Variants in SLC22A23 observed in about 807,000 individuals in gnomAD.
SLC22A23 encodes ion transporter protein.
A neutral mutation model predicts 61.0 loss-of-function variants in SLC22A23; 26 were observed. The observed-to-expected ratio is 0.43, with a 90% CI of 0.31 to 0.59. SLC22A23 has a LOEUF of 0.59. Among genes scored for constraint, SLC22A23 ranks in the 20% least tolerant of loss-of-function variants. SLC22A23 has a pLI of 0.11. For missense variants in SLC22A23, 796 were observed against 934.7 expected, an observed-to-expected ratio of 0.85 and a Z score of 1.94; for synonymous variants, 430 against 413.9, an observed-to-expected ratio of 1.04 and a Z score of -0.47.
rs77775504 is a variant in SLC22A23 at position 3,365,936 on chromosome 6, C to T, written c.914-41934G>A. 7.4e-3 allele frequency among the ~76,000 whole-genome samples: 1,129 copies of T among 152,300 alleles called. 16 individuals carry two copies. The highest frequency in any genetic ancestry group is 0.02 in the African/African-American group (846 of 41,560). The stretch of plus-strand genomic sequence containing the variant: ...TGTTCTTCACTTAATTTCTCTCTGG[C>T]TCCTTTAATTTGCCACAGTGATGAT... On this transcript the variant is annotated intron_variant, in intron 3 of 9. Transcript: ENST00000406686.
intron 6 of SLC22A23, 101 bp from the exon 7 acceptor site, chr6:3,287,192 A>G: frequency 1.9e-6 from 2 of 1,075,202 alleles, no homozygotes; most frequent in Non-Finnish European, 2.7e-6. Context: ...GAGATGAAGA[A>G]GCAACTCAAT....
intron 3 of SLC22A23, among the ~76,000 whole-genome samples, chr6:3,407,078 C>T (rs1319614384): frequency 6.6e-6 from 1 of 152,178 alleles, no homozygotes; most frequent in Non-Finnish European, 1.5e-5. Context: ...CAGGCCTTTC[C>T]AGCAGATGCA....
intron 2 of SLC22A23, among the ~76,000 whole-genome samples, chr6:3,412,970 G>T (rs1378627087): frequency 2.6e-5 from 4 of 152,198 alleles, no homozygotes; most frequent in Non-Finnish European, 5.9e-5. Context: ...AGACCAGTGA[G>T]ACCTTTGTTG....
At chr6:3,300,011 T>TC (rs1442608637) in intron 4 of SLC22A23, among the ~76,000 whole-genome samples, 16 of 131,932 alleles carry the variant, frequency 1.2e-4, no homozygotes, top group Admixed American at 1.1e-3. Flanking sequence ...TTTTTTTTTT[T>TC]TTTTTTTTTT....
chr6:3,296,280 C>T (rs967047361), intron 5 of SLC22A23, among the ~76,000 whole-genome samples: 1 of 152,164 alleles, frequency 6.6e-6, no homozygotes, highest in African/African-American at 2.4e-5. Context: ...TTGTATCTAT[C>T]CAGAGCTCTC....
At chr6:3,313,848 T>C (rs972482454) in intron 4 of SLC22A23, among the ~76,000 whole-genome samples, 1 of 152,188 alleles carries the variant, frequency 6.6e-6, no homozygotes, top group African/African-American at 2.4e-5. Flanking sequence ...GGAGAAACCC[T>C]GTCTCTGCTG....
At chr6:3,371,613 T>A (rs1766222792) in intron 3 of SLC22A23, among the ~76,000 whole-genome samples, 1 of 152,182 alleles carries the variant, frequency 6.6e-6, no homozygotes, top group Non-Finnish European at 1.5e-5. Context: ...AACCTCAGTT[T>A]TCTCATTTGT....
chr6:3,355,821 G>A (rs1044706355), intron 3 of SLC22A23, among the ~76,000 whole-genome samples: 4 of 151,034 alleles, frequency 2.6e-5, no homozygotes, highest in Non-Finnish European at 5.9e-5. Flanking sequence ...AGCCGGCGTC[G>A]CTCTCACTCA....
chr6:3,294,288 C>T (rs548489143), intron 5 of SLC22A23, among the ~76,000 whole-genome samples: 1 of 148,774 alleles, frequency 6.7e-6, no homozygotes, highest in South Asian at 2.1e-4. Context: ...ATTCGACATT[C>T]TACATTGAGT....
intron 4 of SLC22A23, among the ~76,000 whole-genome samples, chr6:3,303,728 T>C (rs1352956725): frequency 6.6e-6 from 1 of 151,996 alleles, no homozygotes; most frequent in Non-Finnish European, 1.5e-5. Flanking sequence ...TAGGGAGAGA[T>C]TGATTAAAGG....
chr6:3,365,741 T>C (rs1658437991), intron 3 of SLC22A23, among the ~76,000 whole-genome samples: 3 of 152,176 alleles, frequency 2.0e-5, no homozygotes, highest in Admixed American at 2.0e-4. Context: ...GTTCAGTCTT[T>C]TCTCCTAAAA....
At chr6:3,378,309 A>G (rs1159641745) in intron 3 of SLC22A23, among the ~76,000 whole-genome samples, 1 of 152,136 alleles carries the variant, frequency 6.6e-6, no homozygotes, top group Non-Finnish European at 1.5e-5. Context: ...GGGTGGTGAG[A>G]ACCAGGACCG....
intron 6 of SLC22A23, among the ~76,000 whole-genome samples, chr6:3,287,413 C>T (rs566219348): frequency 7.9e-5 from 12 of 152,260 alleles, no homozygotes; most frequent in East Asian, 3.9e-4. Context: ...CAAGACAAAG[C>T]GCTTTCCAGG....
intron 3 of SLC22A23, among the ~76,000 whole-genome samples, chr6:3,331,314 T>G (rs1043562087): frequency 6.6e-6 from 1 of 152,242 alleles, no homozygotes; most frequent in Non-Finnish European, 1.5e-5. Context: ...TGCCTACTGC[T>G]GCTCCTCAGA....
chr6:3,300,809 G>T (rs1257528144), intron 4 of SLC22A23, among the ~76,000 whole-genome samples: 3 of 152,158 alleles, frequency 2.0e-5, no homozygotes, highest in Admixed American at 2.0e-4. Flanking sequence ...ACTGAATTCG[G>T]TGGTACCTTT....
intron 3 of SLC22A23, among the ~76,000 whole-genome samples, chr6:3,388,358 T>C (rs191160353): frequency 1.3e-5 from 2 of 152,266 alleles, no homozygotes; most frequent in Admixed American, 1.3e-4. Flanking sequence ...GGAAAGTGTA[T>C]GCAGATCACA....
intron 1 of SLC22A23, among the ~76,000 whole-genome samples, chr6:3,431,049 A>G (rs1770825187): frequency 6.7e-6 from 1 of 150,306 alleles, no homozygotes; most frequent in South Asian, 2.1e-4. Flanking sequence ...CTGGGCAACA[A>G]GAGCAAAACT....
chr6:3,443,128 T>A (rs1332697724), intron 1 of SLC22A23, among the ~76,000 whole-genome samples: 3 of 152,046 alleles, frequency 2.0e-5, no homozygotes, highest in Non-Finnish European at 4.4e-5. Flanking sequence ...AGACATGAAG[T>A]ACAATGGAGG....
At position 3,438,557 on chromosome 6, in the gene SLC22A23, T is replaced by C. The variant is rs1040721496; in HGVS notation, c.654+17349A>G. On this transcript the variant is annotated intron_variant, in intron 1 of 9. Transcript: ENST00000406686. ...TCCAGTTTCCTGCTGCTGACAACAC[T>C]ATAAAACCACCGTAATAGGAATTAA... 6 of 456,028 alleles carry C rather than the reference T, an allele frequency of 1.3e-5. No individual in the cohort carries two copies. The Admixed American group carries it at 1.4e-4, about 11-fold the overall frequency. The allele number at this position is 456,028 out of a possible 1,614,324, so 28.2% of individuals were successfully genotyped here. A position where few individuals can be genotyped will look rare whatever the true frequency, so the allele number is the denominator to read the frequency against.
Sources: gnomAD v4.1 joint callset for allele counts (sites outside exome capture counted in the v4.1 genomes callset) on GRCh38, gnomAD v4.1.1 for gene constraint, MANE v1.5 for transcripts, NCBI Gene and HGNC (gene_info 2026-07-23, HGNC 2026-07-21) for gene names.